The following TAF8 variants were observed in gnomAD, a reference collection of about 807,000 sequenced individuals.
TAF8 encodes TATA-box binding protein associated factor 8.
TAF8 carries 47 observed loss-of-function variants against 36.5 expected under a neutral mutation model. The ratio of observed to expected loss-of-function variants is 1.29; its 90% CI spans 1.02 to 1.64. The LOEUF is 1.64. Ranked by LOEUF, TAF8 falls within the 40% of genes most tolerant of loss-of-function variation. The pLI is 0.00. For synonymous variants in TAF8, 175 were observed against 159.5 expected (o/e 1.10, Z -0.73); for missense variants, 420 against 407.6 (o/e 1.03, Z -0.26).
intron 5 of TAF8, among the ~76,000 whole-genome samples, chr6:42,059,153 GT>G (rs1214134275): frequency 6.6e-6 from 1 of 152,072 alleles, no homozygotes; most frequent in African/African-American, 2.4e-5. Context: ...GGAGGCCGAG[GT>G]GGGGGGATCA....
At chr6:42,074,846 T>C (rs1221315610) in intron 7 of TAF8, among the ~76,000 whole-genome samples, 2 of 151,924 alleles carry the variant, frequency 1.3e-5, no homozygotes, top group African/African-American at 2.4e-5. Context: ...TACTTTTTTT[T>C]TTTTTTTTTT....
At chr6:42,061,062 C>T (rs1765173702) in intron 5 of TAF8, among the ~76,000 whole-genome samples, 1 of 152,150 alleles carries the variant, frequency 6.6e-6, no homozygotes, top group African/African-American at 2.4e-5. Flanking sequence ...ATTCCAATAG[C>T]ACAGTTCTTA....
downstream of TAF8, among the ~76,000 whole-genome samples, chr6:42,086,346 A>G (rs1271967682): frequency 1.3e-5 from 2 of 152,206 alleles, no homozygotes; most frequent in African/African-American, 2.4e-5. Context: ...AATTTCTGTT[A>G]TTATGATTGA....
Position 42,081,187 on chromosome 6 carries a change from G to GTA in TAF8, c.*3643_*3644insAT. ...CCTCCTGGAGTGTGTGTGTGTGTGT[G>GTA]TGTGCGTGTGTGTGCGTGTGAGACA... On this transcript the variant is annotated 3_prime_UTR_variant, in exon 9 of 9. Transcript: ENST00000372977. 7.0e-6 allele frequency: 1 copy of GTA among 143,050 alleles called. No homozygotes were observed. Among genetic ancestry groups the GTA allele is most frequent in the African/African-American group, 2.8e-5 (1 of 35,696 alleles). The allele number at this position is 143,050 out of a possible 1,614,324, so 8.9% of individuals were successfully genotyped here. A position where few individuals can be genotyped will look rare whatever the true frequency, so the allele number is the denominator to read the frequency against.
chr6:42,086,856 C>T (rs1010054952), downstream of TAF8: 1 of 1,149,946 alleles, frequency 8.7e-7, no homozygotes, highest in Non-Finnish European at 1.3e-6. Context: ...GTGCTCCTTC[C>T]AGCCCTTGCT....
intron 5 of TAF8, among the ~76,000 whole-genome samples, chr6:42,065,579 G>A (rs1270592770): frequency 3.9e-5 from 6 of 152,114 alleles, no homozygotes; most frequent in African/African-American, 9.7e-5. Context: ...AAGATGGGAT[G>A]GTATAATCCA....
chr6:42,056,547 G>A (rs10948011), intron 4 of TAF8, among the ~76,000 whole-genome samples: 12,967 of 151,748 alleles, frequency 0.085, 737 homozygotes, highest in East Asian at 0.25. Flanking sequence ...CATAAGCTGA[G>A]TAGAGAGTAA....
At chr6:42,086,504 T>C (rs151063901), downstream of TAF8, among the ~76,000 whole-genome samples, 2 of 152,260 alleles carry the variant, frequency 1.3e-5, no homozygotes, top group East Asian at 1.9e-4. Flanking sequence ...AGTTCAGGGA[T>C]TGTCCTCCAG....
intron 2 of TAF8, among the ~76,000 whole-genome samples, chr6:42,052,577 C>T (rs1764834242): frequency 1.3e-5 from 2 of 152,288 alleles, no homozygotes; most frequent in East Asian, 1.9e-4. Flanking sequence ...CCACCTTGGC[C>T]TCTCAAAGTG....
chr6:42,072,535 T>G (rs1765614718), intron 7 of TAF8, among the ~76,000 whole-genome samples: 1 of 152,120 alleles, frequency 6.6e-6, no homozygotes, highest in Admixed American at 6.5e-5. Context: ...TCTTGCTTTT[T>G]TCCTGGCTGT....
At position 42,082,646 on chromosome 6, in the gene TAF8, G is replaced by A. The variant is rs898896899; in HGVS notation, c.*5101G>A. On this transcript the variant is annotated 3_prime_UTR_variant, in exon 9 of 9. Coordinates refer to ENST00000372977, the MANE Select transcript of TAF8 (RefSeq NM_138572.3). ...GACCCACCGCACCTGGCCGAGTATG[G>A]GACTTTTTGACGTTGGCTTTTTCAG... 14 of 152,084 alleles carry A rather than the reference G, an allele frequency of 9.2e-5. No individual in the cohort carries two copies. The highest frequency in any genetic ancestry group is 3.1e-4 in the African/African-American group (13 of 41,404). 9.4% of individuals were successfully genotyped at this position (152,084 alleles called of 1,614,324 possible).
intron 2 of TAF8, among the ~76,000 whole-genome samples, chr6:42,052,018 T>C (rs960919227): frequency 6.6e-6 from 1 of 152,186 alleles, no homozygotes; most frequent in African/African-American, 2.4e-5. Flanking sequence ...TAGAATCAGA[T>C]AGACTTGGTG....
In TAF8 at chr6:42,079,996, A is replaced by AT. The variant is rs1765873866; in HGVS notation, c.*2451_*2452insT. 1 of 214,266 alleles carries AT rather than the reference A, an allele frequency of 4.7e-6. No individual in the cohort carries two copies. Among genetic ancestry groups the AT allele is most frequent in the African/African-American group, 6.9e-5 (1 of 14,574 alleles). 13.3% of individuals were successfully genotyped at this position (214,266 alleles called of 1,614,324 possible). A position where few individuals can be genotyped will look rare whatever the true frequency, so the allele number is the denominator to read the frequency against. Reference sequence around the variant, plus strand: ...CAGGAACGGAAGAGGGGACGCTAGTAAAAAAAAAAAAATTGGATTCCCCAA... The same window carrying AT: ...CAGGAACGGAAGAGGGGACGCTAGTATAAAAAAAAAAAATTGGATTCCCCAA... On this transcript the variant is annotated 3_prime_UTR_variant, in exon 9 of 9. Transcript: ENST00000372977.
At chr6:42,068,724 G>A (rs1406423166) in intron 7 of TAF8, 117 bp downstream of exon 7, 16 of 1,269,282 alleles carry the variant, frequency 1.3e-5, no homozygotes, top group Non-Finnish European at 1.7e-5. Context: ...CTTTCTGTTA[G>A]GGGCCTGCAT....
chr6:42,051,687 G>T (rs1167173874), intron 2 of TAF8, 174 bp downstream of exon 2: 11 of 619,466 alleles, frequency 1.8e-5, no homozygotes, highest in Non-Finnish European at 2.6e-5. Context: ...TGGGCCGAGC[G>T]TGGTGGCTCA....
rs1764788865 is a variant in TAF8, at chr6:42,051,529, C to CA, written c.202+17dup. The CA allele has an allele frequency of 1.2e-6, 2 of 1,612,040 alleles. No individual in the cohort carries two copies. The highest frequency in any genetic ancestry group is 1.7e-4 in the Middle Eastern group (1 of 6,026). On this transcript the variant is annotated intron_variant, in intron 2 of 8. Transcript: ENST00000372977. ...CTGCAGAGCTGTGAGTACATGGAAA[C>CA]ACTTGGCCTTGGAGTCAACCCCAAC...
chr6:42,065,217 G>C (rs1443299232), intron 5 of TAF8, among the ~76,000 whole-genome samples: 1 of 151,784 alleles, frequency 6.6e-6, no homozygotes, highest in African/African-American at 2.4e-5. Flanking sequence ...ATGGTGGCAC[G>C]TGCCTGTAGT....
chr6:42,080,333 C>T lies in TAF8; in HGVS notation c.*2788C>T. The T allele has an allele frequency of 1.0e-6, 1 of 988,500 alleles. No individual in the cohort carries two copies. The highest frequency in any genetic ancestry group is 1.2e-6 in the Non-Finnish European group (1 of 832,530). 61.2% of individuals were successfully genotyped at this position (988,500 alleles called of 1,614,324 possible). ...ATTTGGAAAAGGGCTGCTATTTCTG[C>T]TGTTGAGATTTCAGAGGCTATACTC... is the stretch of plus-strand genomic sequence containing the variant. On this transcript the variant is annotated 3_prime_UTR_variant, in exon 9 of 9. Coordinates refer to ENST00000372977, the MANE Select transcript of TAF8 (RefSeq NM_138572.3).
In TAF8 at chr6:42,050,561, C is replaced by T. The variant is rs1005039057; in HGVS notation, c.20C>T (p.Thr7Ile). ...AACAAGATGGCCGACGCGGCGGCCA[C>T]AGCTGGGGCCGGTGGCTCCGGAACG... MADAAA[T>I]AGAGGSGTRS... Residue 7 changes from threonine (T) to isoleucine (I), a missense_variant, in exon 1 of 9, where the codon ACA (threonine) becomes ATA (isoleucine). Physicochemically the swap from Thr to Ile is moderately conservative, Grantham distance 89 (BLOSUM62 -1). Transcript: ENST00000372977. 1.8e-5 allele frequency: 28 copies of T among 1,556,268 alleles called. No homozygotes were observed. The highest frequency in any genetic ancestry group is 4.1e-5 in the African/African-American group (3 of 73,646).
Sources: gnomAD v4.1 joint callset for allele counts (sites outside exome capture counted in the v4.1 genomes callset) on GRCh38, gnomAD v4.1.1 for gene constraint, MANE v1.5 for transcripts, NCBI Gene and HGNC (gene_info 2026-07-23, HGNC 2026-07-21) for gene names.